SHISAL2B: variants seen among roughly 807,000 people sequenced by gnomAD.
The protein encoded by SHISAL2B is shisa like 2B.
A neutral mutation model predicts 16.5 loss-of-function variants in SHISAL2B; 12 were observed. The observed-to-expected ratio is 0.73, with a 90% confidence interval of 0.47 to 1.18. SHISAL2B has a LOEUF of 1.18. Among genes scored for constraint, SHISAL2B ranks in the 50% most tolerant of loss-of-function variants. SHISAL2B has a pLI of 0.00. For missense variants in SHISAL2B, 183 were observed against 193.6 expected (o/e 0.95, Z 0.33); for synonymous variants, 72 against 75.0 (o/e 0.96, Z 0.21).
At chr5:64,717,771 A>C (rs1464465865) in intron 2 of SHISAL2B, 118 bp from the exon 3 acceptor site, 1 of 858,168 alleles carries the variant, frequency 1.2e-6, no homozygotes, top group Admixed American at 3.4e-5. Flanking sequence ...TCATACACAT[A>C]GCATTTTCAG....
rs544701800 is a variant in SHISAL2B at position 64,693,315 on chromosome 5, A to T, written c.192-2192A>T. On this transcript the variant is annotated intron_variant, in intron 1 of 2. Transcript: ENST00000389074. ...AGCCACCGCGCCCAGCCATAAAGCAACATTTCTATAAAGTGAACGGTGACA... is the reference window on the plus strand; with the variant it reads ...AGCCACCGCGCCCAGCCATAAAGCATCATTTCTATAAAGTGAACGGTGACA... Among the ~76,000 whole-genome samples, 23 of 152,276 alleles carry T rather than the reference A, an allele frequency of 1.5e-4. 1 individual carries two copies. Among genetic ancestry groups the T allele is most frequent in the Middle Eastern group, 3.4e-3 (1 of 292 alleles).
intron 1 of SHISAL2B, among the ~76,000 whole-genome samples, chr5:64,693,375 T>C (rs1301057392): frequency 6.6e-6 from 1 of 152,232 alleles, no homozygotes; most frequent in African/African-American, 2.4e-5. Context: ...AAGAACATTC[T>C]TTTTTAACAG....
chr5:64,697,585 TTTA>T (rs1741756973), intron 2 of SHISAL2B, among the ~76,000 whole-genome samples: 3 of 152,118 alleles, frequency 2.0e-5, no homozygotes, highest in Admixed American at 2.0e-4. Context: ...AATTATAAAT[TTTA>T]TTGTGAGATA....
At chr5:64,714,891 G>C (rs1276228008) in intron 2 of SHISAL2B, among the ~76,000 whole-genome samples, 1 of 152,184 alleles carries the variant, frequency 6.6e-6, no homozygotes, top group African/African-American at 2.4e-5. Flanking sequence ...GCCTCGCCCT[G>C]CTTCAGCTCG....
At chr5:64,697,085 T>C (rs143160726) in intron 2 of SHISAL2B, among the ~76,000 whole-genome samples, 24,058 of 152,276 alleles carry the variant, frequency 0.16, 2,510 homozygotes, top group Non-Finnish European at 0.23. Flanking sequence ...CTCTTTGTAC[T>C]CTTTCTCTTT....
chr5:64,704,141 G>A (rs1741845991), intron 2 of SHISAL2B, among the ~76,000 whole-genome samples: 1 of 152,178 alleles, frequency 6.6e-6, no homozygotes, highest in South Asian at 2.1e-4. Context: ...TGGTAACACA[G>A]AAGCTAGGAG....
intron 2 of SHISAL2B, among the ~76,000 whole-genome samples, chr5:64,714,912 G>A (rs1162039142): frequency 2.0e-5 from 3 of 152,096 alleles, no homozygotes; most frequent in Admixed American, 6.5e-5. Context: ...TGCACGGTGC[G>A]TGCACCCACT....
At chr5:64,700,235 C>A (rs117308219) in intron 2 of SHISAL2B, among the ~76,000 whole-genome samples, 1,800 of 152,152 alleles carry the variant, frequency 0.012, 78 homozygotes, top group Admixed American at 0.079. Flanking sequence ...TGTCTTAGAG[C>A]CCTGCTTCTC....
intron 2 of SHISAL2B, among the ~76,000 whole-genome samples, chr5:64,715,901 C>T (rs1449876771): frequency 6.6e-6 from 1 of 152,004 alleles, no homozygotes; most frequent in Non-Finnish European, 1.5e-5. Context: ...TTAAAATAAC[C>T]AGTGAAGAAG....
intron 2 of SHISAL2B, among the ~76,000 whole-genome samples, chr5:64,713,348 A>G (rs1170412766): frequency 5.0e-5 from 5 of 99,976 alleles, no homozygotes; most frequent in African/African-American, 3.2e-4. Flanking sequence ...TCTTTTCTTT[A>G]AGAATGTTGA....
Position 64,717,943 on chromosome 5 carries a change from C to T in SHISAL2B, c.404C>T (p.Thr135Ile). 1 of 1,521,940 alleles carries T rather than the reference C, an allele frequency of 6.6e-7. No individual in the cohort carries two copies. The highest frequency in any genetic ancestry group is 2.5e-5 in the East Asian group (1 of 39,952). 94.3% of individuals were successfully genotyped at this position (1,521,940 alleles called of 1,614,324 possible). A position where few individuals can be genotyped will look rare whatever the true frequency, so the allele number is the denominator to read the frequency against. Residue 135 changes from threonine to isoleucine, a missense_variant, in exon 3 of 3, where the codon ACA becomes ATA. Transcript: ENST00000389074. ...AATTCAAATGCAGCATCAAATGCAA[C>T]AAATGAAACATACTATGAAGCTGAT... The part of the protein sequence containing the change: ...ALNSNAASNA[T>I]NETYYEADDI...
intron 2 of SHISAL2B, among the ~76,000 whole-genome samples, chr5:64,697,945 C>T (rs1741761905): frequency 6.6e-6 from 1 of 152,128 alleles, no homozygotes; most frequent in Non-Finnish European, 1.5e-5. Context: ...TCCTGTGTCA[C>T]AGAACAAGGG....
intron 1 of SHISAL2B, 101 bp from the exon 2 acceptor site, chr5:64,695,406 A>G: frequency 1.3e-6 from 1 of 765,920 alleles, no homozygotes; most frequent in Non-Finnish European, 1.9e-6. Flanking sequence ...TTGGTTATGA[A>G]TAACTGAAAA....
chr5:64,706,665 T>C (rs1359134291), intron 2 of SHISAL2B, among the ~76,000 whole-genome samples: 2 of 152,146 alleles, frequency 1.3e-5, no homozygotes, highest in Non-Finnish European at 2.9e-5. Flanking sequence ...TGAAGTCTCA[T>C]GTCCTATCAA....
chr5:64,712,981 G>A (rs940269837), intron 2 of SHISAL2B, among the ~76,000 whole-genome samples: 44 of 152,142 alleles, frequency 2.9e-4, no homozygotes, highest in Non-Finnish European at 2.2e-4. Context: ...GATGGGTCTT[G>A]ACTCTTTATG....
chr5:64,716,697 G>T (rs1330997260), intron 2 of SHISAL2B, among the ~76,000 whole-genome samples: 10 of 152,130 alleles, frequency 6.6e-5, no homozygotes, highest in Non-Finnish European at 8.8e-5. Flanking sequence ...AATAATCAGT[G>T]CAAAAGTCCT....
chr5:64,696,641 G>A (rs1741740763), intron 2 of SHISAL2B, among the ~76,000 whole-genome samples: 1 of 152,110 alleles, frequency 6.6e-6, no homozygotes, highest in Non-Finnish European at 1.5e-5. Flanking sequence ...GTTGAGATAA[G>A]GACTGAAATA....
chr5:64,698,113 A>AT (rs1005330666), intron 2 of SHISAL2B, among the ~76,000 whole-genome samples: 2 of 152,240 alleles, frequency 1.3e-5, no homozygotes, highest in Admixed American at 1.3e-4. Context: ...TGTAAAATCA[A>AT]TTTTTATCTC....
At chr5:64,714,900 C>T (rs1269998327) in intron 2 of SHISAL2B, among the ~76,000 whole-genome samples, 1 of 152,198 alleles carries the variant, frequency 6.6e-6, no homozygotes, top group Non-Finnish European at 1.5e-5. Flanking sequence ...TGCTTCAGCT[C>T]GTGCACGGTG....
Sources: gnomAD v4.1 joint callset for allele counts (sites outside exome capture counted in the v4.1 genomes callset) on GRCh38, gnomAD v4.1.1 for gene constraint, MANE v1.5 for transcripts, NCBI Gene and HGNC (gene_info 2026-07-23, HGNC 2026-07-21) for gene names.